Variants in PIGK observed in about 807,000 individuals in gnomAD.
The protein encoded by PIGK is GPI-anchor transamidase.
PIGK carries 42 observed loss-of-function variants against 50.6 expected under a neutral mutation model. The ratio of observed to expected loss-of-function variants is 0.83; its 90% confidence interval spans 0.65 to 1.07. The LOEUF is 1.07. Among genes scored for constraint, PIGK ranks in the 50% least tolerant of loss-of-function variants. The pLI is 0.00. For missense variants in PIGK, 448 were observed against 488.7 expected (o/e 0.92, Z 0.78); for synonymous variants, 151 against 156.0 (o/e 0.97, Z 0.24).
chr1:77,090,246 AG>A lies in PIGK; in HGVS notation c.*2127del, dbSNP rs1653265625. On this transcript the variant is annotated 3_prime_UTR_variant, in exon 11 of 11. Coordinates refer to ENST00000370812, the MANE Select transcript of PIGK (RefSeq NM_005482.3). Reference sequence around the variant, plus strand: ...GTTTTTATGATACTGTTTAAAGTGTAGGCCATTTAATTGCACTGACAATATT... The same window carrying A: ...GTTTTTATGATACTGTTTAAAGTGTAGCCATTTAATTGCACTGACAATATT... The A allele has an allele frequency of 6.6e-6, 1 of 152,226 alleles. No individual in the cohort carries two copies. Among genetic ancestry groups the A allele is most frequent in the Non-Finnish European group, 1.5e-5 (1 of 68,034 alleles). 9.4% of individuals were successfully genotyped at this position (152,226 alleles called of 1,614,324 possible). A position where few individuals can be genotyped will look rare whatever the true frequency, so the allele number is the denominator to read the frequency against.
intron 9 of PIGK, among the ~76,000 whole-genome samples, chr1:77,145,562 A>G (rs949100966): frequency 5.9e-5 from 9 of 152,094 alleles, no homozygotes; most frequent in Non-Finnish European, 1.2e-4. Context: ...ATAACTGTAG[A>G]GATATACTCA....
intron 9 of PIGK, among the ~76,000 whole-genome samples, chr1:77,149,501 AAAG>A (rs1654846235): frequency 6.6e-6 from 1 of 152,304 alleles, no homozygotes; most frequent in South Asian, 2.1e-4. Flanking sequence ...AAAAAGAAAC[AAAG>A]AAGGTCATCA....
intron 10 of PIGK, among the ~76,000 whole-genome samples, chr1:77,107,834 C>G (rs1653726682): frequency 6.6e-6 from 1 of 152,006 alleles, no homozygotes; most frequent in Non-Finnish European, 1.5e-5. Context: ...ATCCCTATAC[C>G]ATTATGTCAT....
intron 10 of PIGK, among the ~76,000 whole-genome samples, chr1:77,117,418 C>T (rs1654004387): frequency 6.6e-6 from 1 of 152,204 alleles, no homozygotes. Flanking sequence ...GACATCACTC[C>T]ATTGCTTTCT....
intron 3 of PIGK, among the ~76,000 whole-genome samples, chr1:77,169,971 G>C (rs185844429): frequency 6.6e-6 from 1 of 151,996 alleles, no homozygotes. Context: ...CTCCTCACAA[G>C]ATCCACAAAT....
At chr1:77,181,352 T>C (rs1655610609) in intron 3 of PIGK, among the ~76,000 whole-genome samples, 1 of 152,198 alleles carries the variant, frequency 6.6e-6, no homozygotes, top group Non-Finnish European at 1.5e-5. Context: ...TTCACAGTCC[T>C]GGACCATTAG....
intron 10 of PIGK, among the ~76,000 whole-genome samples, chr1:77,092,830 C>T (rs567389092): frequency 1.3e-5 from 2 of 152,070 alleles, no homozygotes; most frequent in Non-Finnish European, 2.9e-5. Flanking sequence ...ATTAATTTGT[C>T]GGTTTTATCT....
chr1:77,108,038 T>C (rs1350161552), intron 10 of PIGK, among the ~76,000 whole-genome samples: 4 of 152,204 alleles, frequency 2.6e-5, no homozygotes, highest in Non-Finnish European at 5.9e-5. Flanking sequence ...CTTGACTCTT[T>C]ATCCAATTTG....
At chr1:77,129,211 C>T in intron 9 of PIGK, 3 of 1,595,090 alleles carry the variant, frequency 1.9e-6, no homozygotes, top group Non-Finnish European at 2.6e-6. Flanking sequence ...CGTGAAACTG[C>T]TCAGGCCATC....
At chr1:77,215,906 A>T (rs867339689) in intron 1 of PIGK, among the ~76,000 whole-genome samples, 2 of 152,146 alleles carry the variant, frequency 1.3e-5, no homozygotes, top group African/African-American at 4.8e-5. Context: ...ATCTCATGGA[A>T]ATAGAGTAGA....
At chr1:77,161,561 G>A (rs930353141) in intron 7 of PIGK, 33 bp downstream of exon 7, 3 of 1,047,092 alleles carry the variant, frequency 2.9e-6, no homozygotes, top group Non-Finnish European at 4.5e-6. Context: ...ACATTCCAAA[G>A]ACACAGTTTA....
At chr1:77,176,339 T>C (rs1453673488) in intron 3 of PIGK, among the ~76,000 whole-genome samples, 1 of 152,216 alleles carries the variant, frequency 6.6e-6, no homozygotes, top group Non-Finnish European at 1.5e-5. Context: ...ACATGTTATT[T>C]GGGAAGCACT....
chr1:77,100,761 A>G (rs528287142), intron 10 of PIGK, among the ~76,000 whole-genome samples: 19 of 152,316 alleles, frequency 1.2e-4, no homozygotes, highest in Non-Finnish European at 2.1e-4. Context: ...GAAGTAGCCA[A>G]GATGCTCTCC....
chr1:77,109,050 C>G (rs1402406492), intron 10 of PIGK, among the ~76,000 whole-genome samples: 1 of 152,102 alleles, frequency 6.6e-6, no homozygotes, highest in Admixed American at 6.5e-5. Context: ...CCTCCCAAGA[C>G]TAAACCAGGA....
intron 3 of PIGK, among the ~76,000 whole-genome samples, chr1:77,202,154 T>C (rs1014610211): frequency 6.6e-6 from 1 of 152,144 alleles, no homozygotes; most frequent in African/African-American, 2.4e-5. Context: ...GTAAATGGTA[T>C]TCATAAAAGT....
intron 9 of PIGK, among the ~76,000 whole-genome samples, chr1:77,124,100 C>T (rs1204090544): frequency 6.6e-6 from 1 of 152,022 alleles, no homozygotes; most frequent in Non-Finnish European, 1.5e-5. Context: ...ATCTAGCCTC[C>T]AGACTGTGAG....
At chr1:77,100,835 C>T (rs1653525967) in intron 10 of PIGK, among the ~76,000 whole-genome samples, 1 of 152,114 alleles carries the variant, frequency 6.6e-6, no homozygotes, top group Non-Finnish European at 1.5e-5. Context: ...TGGCAGACAG[C>T]CTTTACAACT....
At chr1:77,196,843 T>C (rs1386388273) in intron 3 of PIGK, among the ~76,000 whole-genome samples, 6 of 152,214 alleles carry the variant, frequency 3.9e-5, no homozygotes, top group African/African-American at 1.4e-4. Flanking sequence ...CTGTCAACTT[T>C]TATTTTTGTT....
chr1:77,154,194 G>A, intron 9 of PIGK: 1 of 513,246 alleles, frequency 1.9e-6, no homozygotes, highest in South Asian at 3.4e-5. Context: ...TTTGTGGCAA[G>A]TATCAAACTG....
Sources: gnomAD v4.1 joint callset for allele counts (sites outside exome capture counted in the v4.1 genomes callset) on GRCh38, gnomAD v4.1.1 for gene constraint, MANE v1.5 for transcripts, NCBI Gene and HGNC (gene_info 2026-07-23, HGNC 2026-07-21) for gene names.